Variants in TAF2 observed in about 807,000 individuals in gnomAD.
The protein encoded by TAF2 is transcription initiation factor TFIID subunit 2.
A neutral mutation model predicts 138.5 loss-of-function variants in TAF2; 61 were observed. The ratio of observed to expected loss-of-function variants is 0.44; its 90% CI spans 0.36 to 0.54. The LOEUF is 0.54. Among genes scored for constraint, TAF2 ranks in the 20% least tolerant of loss-of-function variants. The probability of loss-of-function intolerance (pLI) is 0.00; values close to 1 mark genes in which losing one functional copy is unlikely to be tolerated. For synonymous variants in TAF2, 475 were observed against 469.9 expected, an observed-to-expected ratio of 1.01 and a Z score of -0.14; for missense variants, 1,090 against 1,427.9, an observed-to-expected ratio of 0.76 and a Z score of 3.81.
At chr8:119,767,432 AAGTG>A (rs1057502588) in intron 18 of TAF2, among the ~76,000 whole-genome samples, 4 of 152,358 alleles carry the variant, frequency 2.6e-5, no homozygotes, top group Admixed American at 2.6e-4. Context: ...GGGAAAGGAT[AAGTG>A]AGTGAGAGAT....
intron 14 of TAF2, among the ~76,000 whole-genome samples, chr8:119,785,703 A>G (rs1822964197): frequency 6.6e-6 from 1 of 152,200 alleles, no homozygotes; most frequent in Admixed American, 6.5e-5. Context: ...AAATATCTTA[A>G]GAGTATTGAT....
At chr8:119,812,522 G>A (rs773735810) in intron 3 of TAF2, among the ~76,000 whole-genome samples, 2 of 152,008 alleles carry the variant, frequency 1.3e-5, no homozygotes, top group Non-Finnish European at 2.9e-5. Flanking sequence ...CTATCACTCT[G>A]TATGTCTTCA....
At chr8:119,760,485 A>T in intron 20 of TAF2, 114 bp downstream of exon 20, 1 of 1,189,550 alleles carries the variant, frequency 8.4e-7, no homozygotes, top group Non-Finnish European at 1.2e-6. Flanking sequence ...TAAGTCAAGA[A>T]TTTAAAATTA....
intron 12 of TAF2, among the ~76,000 whole-genome samples, chr8:119,789,202 A>AT (rs1486804646): frequency 6.6e-6 from 1 of 152,208 alleles, no homozygotes; most frequent in Non-Finnish European, 1.5e-5. Flanking sequence ...AAATTCCAAG[A>AT]TACCACTCAA....
chr8:119,826,606 T>C (rs145647402), intron 2 of TAF2, among the ~76,000 whole-genome samples: 2,562 of 152,258 alleles, frequency 0.017, 67 homozygotes, highest in African/African-American at 0.059. Context: ...TTTTTTTTTT[T>C]TGAGATGGGG....
intron 20 of TAF2, among the ~76,000 whole-genome samples, chr8:119,759,859 C>T (rs944390615): frequency 1.3e-5 from 2 of 152,218 alleles, no homozygotes; most frequent in South Asian, 4.2e-4. Flanking sequence ...ATGACATAGC[C>T]ATTTGTTCAC....
At chr8:119,786,084 A>G (rs1387031073) in intron 14 of TAF2, among the ~76,000 whole-genome samples, 1 of 152,228 alleles carries the variant, frequency 6.6e-6, no homozygotes, top group African/African-American at 2.4e-5. Context: ...AGTCATGAGT[A>G]TAATACAACT....
chr8:119,810,965 T>C (rs1184678139), intron 3 of TAF2, among the ~76,000 whole-genome samples: 1 of 152,220 alleles, frequency 6.6e-6, no homozygotes. Flanking sequence ...AATAATCTGA[T>C]GGTTTAGATT....
Position 119,748,024 on chromosome 8 carries a change from T to C in TAF2, c.2879-1090A>G, listed in dbSNP as rs149354558. Among the ~76,000 whole-genome samples the C allele has an allele frequency of 1.6e-3, 246 of 151,828 alleles. 1 individual carries two copies. Among genetic ancestry groups the C allele is most frequent in the African/African-American group, 5.6e-3 (232 of 41,360 alleles). Reference sequence around the variant, plus strand: ...CTGTAATCCCAGCTACTTGGCTGGGTGAGGCAGGAGAATCGCTTAAACCCA... The same window carrying C: ...CTGTAATCCCAGCTACTTGGCTGGGCGAGGCAGGAGAATCGCTTAAACCCA... On this transcript the variant is annotated intron_variant, in intron 22 of 25. Coordinates refer to ENST00000378164, the MANE Select transcript of TAF2 (RefSeq NM_003184.4).
At chr8:119,738,933 A>G (rs1260391276) in intron 25 of TAF2, among the ~76,000 whole-genome samples, 3 of 152,106 alleles carry the variant, frequency 2.0e-5, no homozygotes, top group Non-Finnish European at 2.9e-5. Flanking sequence ...TAATTTAAGG[A>G]TAAAAAAATC....
chr8:119,806,644 T>C (rs564318842), intron 3 of TAF2, among the ~76,000 whole-genome samples: 2 of 152,040 alleles, frequency 1.3e-5, no homozygotes, highest in East Asian at 3.9e-4. Flanking sequence ...ATTTTTATAT[T>C]TTTAGTAGAG....
At chr8:119,813,772 A>G (rs1825258088) in intron 3 of TAF2, among the ~76,000 whole-genome samples, 1 of 152,204 alleles carries the variant, frequency 6.6e-6, no homozygotes. Context: ...CTGTAGCTCA[A>G]TGTAATAAAG....
intron 18 of TAF2, chr8:119,767,244 C>T (rs1040163027): frequency 1.3e-5 from 2 of 152,180 alleles, no homozygotes; most frequent in Non-Finnish European, 2.9e-5. Flanking sequence ...GGGTGCCTCT[C>T]TCACAGACAG....
At chr8:119,824,409 A>AC (rs2131265598) in intron 2 of TAF2, among the ~76,000 whole-genome samples, 1 of 148,740 alleles carries the variant, frequency 6.7e-6, no homozygotes, top group African/African-American at 2.5e-5. Flanking sequence ...AGCCTGGGGG[A>AC]CAGAGTGAGA....
intron 10 of TAF2, among the ~76,000 whole-genome samples, chr8:119,792,963 G>A (rs1008273478): frequency 3.9e-5 from 6 of 151,982 alleles, no homozygotes; most frequent in African/African-American, 1.5e-4. Flanking sequence ...TGGTACTTTG[G>A]TATAGTAGAA....
intron 23 of TAF2, 39 bp from the exon 24 acceptor site, chr8:119,744,432 AT>A: frequency 6.4e-7 from 1 of 1,551,684 alleles, no homozygotes. Context: ...TAAAAGAACC[AT>A]TACATCATGT....
At chr8:119,826,798 G>C (rs1346872961) in intron 2 of TAF2, among the ~76,000 whole-genome samples, 3 of 152,044 alleles carry the variant, frequency 2.0e-5, no homozygotes, top group Non-Finnish European at 4.4e-5. Context: ...TCACCATGTT[G>C]GCCGGTCTGG....
Position 119,742,646 on chromosome 8 carries a change from T to C in TAF2, c.3225A>G (p.Lys1075=), listed in dbSNP as rs1133414. The C allele has an allele frequency of 6.2e-7, 1 of 1,613,854 alleles. No homozygotes were observed. Among genetic ancestry groups the C allele is most frequent in the South Asian group, 1.1e-5 (1 of 91,070 alleles). Residue 1075 remains lysine, a synonymous_variant, in exon 25 of 26, where the codon AAA becomes AAG. Transcript: ENST00000378164. ...LERPSTPGLS[K]YRPASSRSAL... Reference sequence around the variant, plus strand: ...CAGATCGGGAGCTAGCTGGCCGATATTTCGAGAGCCCTAAAATGCCAAACA... The same window carrying C: ...CAGATCGGGAGCTAGCTGGCCGATACTTCGAGAGCCCTAAAATGCCAAACA...
At chr8:119,737,947 AAT>A (rs1468346786) in intron 25 of TAF2, among the ~76,000 whole-genome samples, 1 of 152,126 alleles carries the variant, frequency 6.6e-6, no homozygotes, top group Non-Finnish European at 1.5e-5. Flanking sequence ...CACATACACA[AAT>A]ATGTTAATTG....
Sources: gnomAD v4.1 joint callset for allele counts (sites outside exome capture counted in the v4.1 genomes callset) on GRCh38, gnomAD v4.1.1 for gene constraint, MANE v1.5 for transcripts, NCBI Gene and HGNC (gene_info 2026-07-23, HGNC 2026-07-21) for gene names.